Variants in RALYL observed in about 807,000 individuals in gnomAD.
RALYL encodes the protein RALY RNA binding protein like.
In RALYL, 29 loss-of-function variants were observed where a neutral mutation model predicts 35.1. The ratio of observed to expected loss-of-function variants is 0.83; its 90% confidence interval spans 0.61 to 1.13. RALYL has a LOEUF of 1.13. Ranked by LOEUF, RALYL falls within the 50% of genes most tolerant of loss-of-function variation. The pLI, the probability that RALYL is intolerant of heterozygous loss-of-function variation, is 0.00. For synonymous variants in RALYL, 120 were observed against 127.6 expected (o/e 0.94, Z 0.40); for missense variants, 359 against 360.4 (o/e 1.00, Z 0.03).
intron 4 of RALYL, among the ~76,000 whole-genome samples, chr8:84,820,540 G>C (rs545682755): frequency 6.6e-6 from 1 of 152,102 alleles, no homozygotes; most frequent in South Asian, 2.1e-4. Flanking sequence ...GTTTTGTCTT[G>C]TTTTTTTAAT....
At chr8:84,522,803 C>T (rs2058568072) in intron 1 of RALYL, among the ~76,000 whole-genome samples, 1 of 152,010 alleles carries the variant, frequency 6.6e-6, no homozygotes, top group Non-Finnish European at 1.5e-5. Flanking sequence ...TCATCCTTTC[C>T]TGGGTTTTTG....
chr8:84,356,620 G>T lies in RALYL; in HGVS notation c.-24+172196G>T, dbSNP rs1203907841. 3.3e-5 allele frequency among the ~76,000 whole-genome samples: 5 copies of T among 150,222 alleles called. 1 individual carries two copies. Among genetic ancestry groups the T allele is most frequent in the Non-Finnish European group, 7.4e-5 (5 of 67,702 alleles). ...TCATTTATAGGTCTACCCAGCCATG[G>T]CCTCTCTAAACTGCAAAGGATGTGG... On this transcript the variant is annotated intron_variant, in intron 1 of 8. Transcript: ENST00000521268.
At chr8:84,734,421 T>G (rs902084253) in intron 2 of RALYL, among the ~76,000 whole-genome samples, 8 of 152,178 alleles carry the variant, frequency 5.3e-5, no homozygotes, top group Non-Finnish European at 8.8e-5. Context: ...GGTACAACTT[T>G]ATAAAATAAT....
intron 1 of RALYL, among the ~76,000 whole-genome samples, chr8:84,506,776 G>C (rs1009900024): frequency 6.6e-6 from 1 of 151,878 alleles, no homozygotes; most frequent in African/African-American, 2.4e-5. Context: ...TAGAATACAA[G>C]TAAAATTTTA....
intron 7 of RALYL, among the ~76,000 whole-genome samples, chr8:84,876,284 C>T (rs1281568277): frequency 6.6e-6 from 1 of 152,174 alleles, no homozygotes; most frequent in African/African-American, 2.4e-5. Flanking sequence ...GTTATGGCCT[C>T]AAATGTATAT....
intron 4 of RALYL, among the ~76,000 whole-genome samples, chr8:84,837,346 A>G (rs942685705): frequency 1.3e-5 from 2 of 152,238 alleles, no homozygotes; most frequent in African/African-American, 4.8e-5. Flanking sequence ...AGTTATCGCA[A>G]TTGAGAAGGC....
At chr8:84,602,979 T>C (rs1185932190) in intron 2 of RALYL, among the ~76,000 whole-genome samples, 1 of 152,024 alleles carries the variant, frequency 6.6e-6, no homozygotes, top group East Asian at 1.9e-4. Flanking sequence ...GATTTAGCAA[T>C]GTGAAGTGTT....
At chr8:84,444,272 T>C (rs1410987961) in intron 1 of RALYL, among the ~76,000 whole-genome samples, 2 of 151,966 alleles carry the variant, frequency 1.3e-5, no homozygotes, top group Non-Finnish European at 2.9e-5. Context: ...GAGGCTGCAG[T>C]GAGTCCTGAT....
intron 1 of RALYL, among the ~76,000 whole-genome samples, chr8:84,321,935 C>T (rs541488915): frequency 1.4e-4 from 22 of 151,958 alleles, no homozygotes; most frequent in Non-Finnish European, 3.1e-4. Context: ...AGGAGAGACA[C>T]TGCTTAATAA....
chr8:84,470,452 G>A (rs1010667219), intron 1 of RALYL, among the ~76,000 whole-genome samples: 6 of 147,904 alleles, frequency 4.1e-5, no homozygotes, highest in African/African-American at 1.5e-4. Flanking sequence ...AGGCCAAGGT[G>A]TGACTGATTG....
intron 8 of RALYL, among the ~76,000 whole-genome samples, chr8:84,901,399 C>G (rs1473124984): frequency 1.3e-5 from 2 of 152,092 alleles, no homozygotes; most frequent in African/African-American, 4.8e-5. Context: ...CTGAACAACT[C>G]TTAAGAGATC....
chr8:84,841,870 T>G (rs2134605208), intron 4 of RALYL, among the ~76,000 whole-genome samples: 1 of 152,298 alleles, frequency 6.6e-6, no homozygotes, highest in East Asian at 1.9e-4. Flanking sequence ...GAATGACTAC[T>G]GGGTACATAA....
chr8:84,614,342 A>G (rs1024776685), intron 2 of RALYL, among the ~76,000 whole-genome samples: 1 of 151,706 alleles, frequency 6.6e-6, no homozygotes, highest in African/African-American at 2.4e-5. Context: ...TATAGGAATG[A>G]AATCACAAAG....
intron 1 of RALYL, among the ~76,000 whole-genome samples, chr8:84,327,479 G>A (rs143925240): frequency 1.6e-3 from 236 of 152,252 alleles, no homozygotes; most frequent in African/African-American, 5.3e-3. Context: ...GTATGGACCA[G>A]CGTCTTGCAA....
intron 2 of RALYL, among the ~76,000 whole-genome samples, chr8:84,539,120 G>T (rs138100205): frequency 9.7e-4 from 147 of 152,252 alleles, no homozygotes; most frequent in African/African-American, 3.2e-3. Flanking sequence ...CAGGACTCAC[G>T]ATTCCTATGT....
intron 2 of RALYL, among the ~76,000 whole-genome samples, chr8:84,726,885 A>T (rs1845063943): frequency 6.6e-6 from 1 of 152,122 alleles, no homozygotes; most frequent in South Asian, 2.1e-4. Flanking sequence ...CAAGAAGTTT[A>T]CACAGACACA....
intron 1 of RALYL, among the ~76,000 whole-genome samples, chr8:84,398,494 ACT>A (rs1160265050): frequency 6.6e-6 from 1 of 152,044 alleles, no homozygotes; most frequent in African/African-American, 2.4e-5. Context: ...TTTTTATAAA[ACT>A]CAACGTAAGA....
chr8:84,373,003 A>C (rs1417828725), intron 1 of RALYL, among the ~76,000 whole-genome samples: 3 of 141,598 alleles, frequency 2.1e-5, no homozygotes, highest in Admixed American at 1.5e-4. Context: ...AGTTATATTG[A>C]GCTTTTTTTC....
At chr8:84,628,169 A>G (rs530300328) in intron 2 of RALYL, among the ~76,000 whole-genome samples, 47 of 152,156 alleles carry the variant, frequency 3.1e-4, no homozygotes, top group African/African-American at 9.6e-4. Context: ...CTCTTTTCTT[A>G]AGTAACTCTT....
Sources: allele counts gnomAD v4.1 joint callset (sites outside exome capture counted in the v4.1 genomes callset), GRCh38; gene constraint gnomAD v4.1.1; transcripts MANE v1.5; gene names NCBI Gene and HGNC (gene_info 2026-07-23, HGNC 2026-07-21).